INVS: variants seen among roughly 807,000 people sequenced by gnomAD.
The protein encoded by INVS is inversion of embryo turning homolog.
In INVS, 86 loss-of-function variants were observed where a neutral mutation model predicts 108.8. The ratio of observed to expected loss-of-function variants is 0.79; its 90% CI spans 0.66 to 0.95. INVS has a LOEUF of 0.95. Ranked by LOEUF, INVS falls within the 40% of genes least tolerant of loss-of-function variation. The pLI is 0.00. For missense variants in INVS, 1,169 were observed against 1,297.4 expected (o/e 0.90, Z 1.52); for synonymous variants, 455 against 473.5 (o/e 0.96, Z 0.51).
intron 13 of INVS, among the ~76,000 whole-genome samples, chr9:100,290,385 T>G (rs1467177007): frequency 6.6e-6 from 1 of 152,248 alleles, no homozygotes; most frequent in African/African-American, 2.4e-5. Context: ...GTTTCGCTCT[T>G]GTCGCCTAGG....
At chr9:100,270,604 C>T (rs1051369722) in intron 11 of INVS, among the ~76,000 whole-genome samples, 7 of 151,814 alleles carry the variant, frequency 4.6e-5, no homozygotes, top group African/African-American at 1.7e-4. Context: ...AAAAATTAGC[C>T]GGGTGTGATG....
chr9:100,292,020 A>C (rs192041730), intron 13 of INVS, among the ~76,000 whole-genome samples: 56 of 152,310 alleles, frequency 3.7e-4, no homozygotes, highest in Admixed American at 5.9e-4. Flanking sequence ...ATCAGCTCAC[A>C]TACTTAATTG....
intron 5 of INVS, among the ~76,000 whole-genome samples, chr9:100,239,105 C>G (rs766954665): frequency 6.6e-6 from 1 of 152,152 alleles, no homozygotes; most frequent in African/African-American, 2.4e-5. Flanking sequence ...TTGAAGATAT[C>G]CTTCACCCCA....
chr9:100,238,947 T>C (rs988452269), intron 5 of INVS, among the ~76,000 whole-genome samples: 1 of 152,246 alleles, frequency 6.6e-6, no homozygotes, highest in Non-Finnish European at 1.5e-5. Context: ...GTGAAATGTC[T>C]TTCATAACCA....
chr9:100,257,389 A>G (rs1479909401), intron 10 of INVS, among the ~76,000 whole-genome samples: 1 of 152,052 alleles, frequency 6.6e-6, no homozygotes, highest in South Asian at 2.1e-4. Flanking sequence ...TTTTAATTGG[A>G]GCATTTAGCC....
At chr9:100,183,538 A>G (rs1829958662) in intron 3 of INVS, among the ~76,000 whole-genome samples, 2 of 152,192 alleles carry the variant, frequency 1.3e-5, no homozygotes, top group African/African-American at 4.8e-5. Flanking sequence ...TACGCCTGTA[A>G]TCCCAGCACT....
intron 3 of INVS, among the ~76,000 whole-genome samples, chr9:100,155,332 T>A (rs980812053): frequency 3.3e-5 from 5 of 152,164 alleles, no homozygotes; most frequent in African/African-American, 7.2e-5. Flanking sequence ...TTTATTATTT[T>A]TTATTTTTAT....
chr9:100,195,469 C>T (rs1450230829), intron 3 of INVS, among the ~76,000 whole-genome samples: 2 of 151,258 alleles, frequency 1.3e-5, no homozygotes, highest in Non-Finnish European at 2.9e-5. Flanking sequence ...GGCACACACC[C>T]CACCACACGC....
intron 3 of INVS, among the ~76,000 whole-genome samples, chr9:100,181,315 G>C (rs748520606): frequency 1.3e-5 from 2 of 152,174 alleles, no homozygotes. Context: ...AATAGGAAGA[G>C]AGGAAGCCAA....
At chr9:100,176,143 A>G (rs979862852) in intron 3 of INVS, 1 of 425,006 alleles carries the variant, frequency 2.4e-6, no homozygotes, top group African/African-American at 2.1e-5. Context: ...ATAGGATTTT[A>G]CTTGTTTGGA....
intron 3 of INVS, among the ~76,000 whole-genome samples, chr9:100,206,007 G>T (rs774130397): frequency 2.0e-5 from 3 of 152,004 alleles, no homozygotes; most frequent in Non-Finnish European, 4.4e-5. Flanking sequence ...GCTATTTAGT[G>T]ACTTTTTTTC....
At chr9:100,101,853 T>G (rs968454738) in intron 1 of INVS, 1 of 152,204 alleles carries the variant, frequency 6.6e-6, no homozygotes, top group African/African-American at 2.4e-5. Flanking sequence ...ACCGTGATTC[T>G]GTGACTCCCT....
chr9:100,188,683 A>C (rs1165034238), intron 3 of INVS, among the ~76,000 whole-genome samples: 1 of 146,772 alleles, frequency 6.8e-6, no homozygotes, highest in African/African-American at 2.5e-5. Flanking sequence ...TCTTGGTATC[A>C]GGGTGATACT....
intron 3 of INVS, chr9:100,175,391 C>G: frequency 1.2e-6 from 1 of 843,388 alleles, no homozygotes; most frequent in Non-Finnish European, 2.0e-6. Context: ...AGAAGAGCAC[C>G]GCAAAAAAGG....
In INVS at chr9:100,252,270, G is replaced by C. The variant is rs373264811; in HGVS notation, c.1079-13G>C. The C allele has an allele frequency of 4.6e-5, 74 of 1,613,792 alleles. No individual in the cohort carries two copies. Among genetic ancestry groups the C allele is most frequent in the Middle Eastern group, 1.6e-4 (1 of 6,062 alleles). On this transcript the variant is annotated splice_polypyrimidine_tract_variant and intron_variant, in intron 8 of 16. Transcript: ENST00000262457. ...ATTGACTAGTTCATCACTTTCTGTT[G>C]GTTCCCTTTTAGCTTTGCATGCTGC...
chr9:100,200,697 C>G (rs1461282304), intron 3 of INVS, among the ~76,000 whole-genome samples: 1 of 152,164 alleles, frequency 6.6e-6, no homozygotes, highest in African/African-American at 2.4e-5. Context: ...TTTCAACTTT[C>G]CTTTTGTGGG....
intron 3 of INVS, among the ~76,000 whole-genome samples, chr9:100,207,603 T>C (rs572220186): frequency 2.0e-3 from 305 of 152,254 alleles, no homozygotes; most frequent in Non-Finnish European, 3.5e-3. Flanking sequence ...GCACAAGTTA[T>C]TTTTAAAACC....
chr9:100,258,199 T>C lies in INVS; in HGVS notation c.1464+5063T>C, dbSNP rs190781908. 8.5e-5 allele frequency among the ~76,000 whole-genome samples: 13 copies of C among 152,342 alleles called. No homozygotes were observed. The East Asian group carries it at 2.5e-3, about 29-fold the overall frequency. Reference sequence around the variant, plus strand: ...CTTTCTTCCACTTGATCGAATTGGCTACTGAAGCTTGTGCATGCCTCATGT... The same window carrying C: ...CTTTCTTCCACTTGATCGAATTGGCCACTGAAGCTTGTGCATGCCTCATGT... On this transcript the variant is annotated intron_variant, in intron 10 of 16. Coordinates refer to ENST00000262457, the MANE Select transcript of INVS (RefSeq NM_014425.5).
chr9:100,284,858 A>G (rs778715054), intron 13 of INVS, among the ~76,000 whole-genome samples: 10 of 151,838 alleles, frequency 6.6e-5, no homozygotes, highest in South Asian at 2.1e-4. Flanking sequence ...TCTTTTTTAG[A>G]GTGAAGTGTG....
Sources: allele counts gnomAD v4.1 joint callset (sites outside exome capture counted in the v4.1 genomes callset), GRCh38; gene constraint gnomAD v4.1.1; transcripts MANE v1.5; gene names NCBI Gene and HGNC (gene_info 2026-07-23, HGNC 2026-07-21).